PDE3B: variants seen among roughly 807,000 people sequenced by gnomAD.
PDE3B encodes phosphodiesterase 3B.
PDE3B carries 66 observed loss-of-function variants against 116.8 expected under a neutral mutation model. The observed-to-expected ratio is 0.56, with a 90% confidence interval of 0.46 to 0.69. The LOEUF (loss-of-function observed/expected upper bound fraction) is 0.69. Ranked by LOEUF, PDE3B falls within the 30% of genes least tolerant of loss-of-function variation. PDE3B has a pLI of 0.00. For synonymous variants in PDE3B, 595 were observed against 533.6 expected (o/e 1.12, Z -1.59); for missense variants, 1,384 against 1,368.1 (o/e 1.01, Z -0.18).
chr11:14,667,865 A>G (rs1458404590), intron 1 of PDE3B, among the ~76,000 whole-genome samples: 1 of 151,272 alleles, frequency 6.6e-6, no homozygotes, highest in Non-Finnish European at 1.5e-5. Flanking sequence ...ATAATAAAAG[A>G]ATTTTTGTCT....
At chr11:14,897,106 T>G in the PDE3B span, among the ~76,000 whole-genome samples, 1 of 152,246 alleles carries the variant, frequency 6.6e-6, no homozygotes, top group Admixed American at 6.5e-5. Flanking sequence ...ACACATTAAT[T>G]CATGTTCTCA....
the PDE3B span, among the ~76,000 whole-genome samples, chr11:14,885,146 T>G: frequency 6.6e-6 from 1 of 152,218 alleles, no homozygotes; most frequent in Non-Finnish European, 1.5e-5. Flanking sequence ...GGACACAACT[T>G]TAGTAAAAAT....
At chr11:14,739,158 A>G (rs1189861234) in intron 1 of PDE3B, among the ~76,000 whole-genome samples, 1 of 152,184 alleles carries the variant, frequency 6.6e-6, no homozygotes, top group Non-Finnish European at 1.5e-5. Flanking sequence ...TGGTAGCTTG[A>G]TGGGGATAGC....
intron 1 of PDE3B, among the ~76,000 whole-genome samples, chr11:14,695,311 A>G (rs1164414857): frequency 1.3e-5 from 2 of 152,144 alleles, no homozygotes; most frequent in East Asian, 1.9e-4. Context: ...GTAGTGTTCC[A>G]TAGTTTGAAT....
At chr11:14,887,833 C>A in the PDE3B span, 1 of 154,720 alleles carries the variant, frequency 6.5e-6, no homozygotes, top group South Asian at 2.0e-4. Context: ...TTTCTACCTT[C>A]AGAATATAAA....
chr11:14,883,552 T>TA, the PDE3B span, among the ~76,000 whole-genome samples: 1 of 151,660 alleles, frequency 6.6e-6, no homozygotes, highest in African/African-American at 2.4e-5. Context: ...ATTAAAGACT[T>TA]AAACGTTAGA....
At chr11:14,831,489 G>C (rs1402118077) in intron 8 of PDE3B, 151 bp from the exon 9 acceptor site, 1 of 380,356 alleles carries the variant, frequency 2.6e-6, no homozygotes, top group African/African-American at 2.1e-5. Context: ...AGAGAAATTA[G>C]AAGGGCAGAT....
chr11:14,853,142 G>A (rs374385117), intron 12 of PDE3B, among the ~76,000 whole-genome samples: 37 of 151,110 alleles, frequency 2.4e-4, no homozygotes, highest in East Asian at 2.0e-3. Context: ...TTAGATATCC[G>A]TATACGCATT....
chr11:14,732,012 T>A (rs1856472192), intron 1 of PDE3B, among the ~76,000 whole-genome samples: 1 of 152,038 alleles, frequency 6.6e-6, no homozygotes, highest in Admixed American at 6.6e-5. Context: ...TTAAACAGAA[T>A]TATTGAGGAA....
chr11:14,897,213 A>G, the PDE3B span, among the ~76,000 whole-genome samples: 1 of 152,248 alleles, frequency 6.6e-6, no homozygotes, highest in Non-Finnish European at 1.5e-5. Context: ...AGATTTGGCT[A>G]CATTTCAAAA....
intron 1 of PDE3B, among the ~76,000 whole-genome samples, chr11:14,670,444 A>T (rs1003873118): frequency 6.6e-6 from 1 of 152,136 alleles, no homozygotes; most frequent in Non-Finnish European, 1.5e-5. Flanking sequence ...TGAAATAGGG[A>T]TTAAACTTGT....
intron 1 of PDE3B, among the ~76,000 whole-genome samples, chr11:14,753,381 A>G (rs1385683963): frequency 2.6e-5 from 4 of 152,158 alleles, no homozygotes; most frequent in African/African-American, 9.6e-5. Context: ...AATGCCCTAA[A>G]TGATGGATAT....
chr11:14,747,494 A>G (rs539007756), intron 1 of PDE3B, among the ~76,000 whole-genome samples: 44 of 152,364 alleles, frequency 2.9e-4, no homozygotes, highest in African/African-American at 1.0e-3. Context: ...TTTCTCCCAT[A>G]GAGAAGACAG....
chr11:14,666,689 A>G (rs1466478628), intron 1 of PDE3B, among the ~76,000 whole-genome samples: 5 of 151,246 alleles, frequency 3.3e-5, no homozygotes, highest in African/African-American at 4.8e-5. Context: ...AAAAATGCTC[A>G]TCATCACTGG....
chr11:14,734,607 A>C lies in PDE3B; in HGVS notation c.979-37330A>C, dbSNP rs147049458. Reference sequence around the variant, plus strand: ...TTCTTATATTAATAATATGAAGTATATTAATTGAATGCTCAATATTGAATT... The same window carrying C: ...TTCTTATATTAATAATATGAAGTATCTTAATTGAATGCTCAATATTGAATT... On this transcript the variant is annotated intron_variant, in intron 1 of 15. Transcript: ENST00000282096. Among the ~76,000 whole-genome samples, 1,427 of 152,316 alleles carry C rather than the reference A, an allele frequency of 9.4e-3. 14 individuals carry two copies. Among genetic ancestry groups the C allele is most frequent in the Middle Eastern group, 0.017 (5 of 294 alleles).
intron 1 of PDE3B, among the ~76,000 whole-genome samples, chr11:14,759,170 C>G (rs1283234351): frequency 6.6e-6 from 1 of 152,090 alleles, no homozygotes; most frequent in Admixed American, 6.6e-5. Flanking sequence ...TTCGTTTTTT[C>G]CAGTATTTTA....
At chr11:14,781,999 G>A (rs1258313905) in intron 2 of PDE3B, among the ~76,000 whole-genome samples, 2 of 152,122 alleles carry the variant, frequency 1.3e-5, no homozygotes, top group Non-Finnish European at 2.9e-5. Context: ...GAAATCACAA[G>A]CATTCTTATA....
chr11:14,850,166 G>T (rs1308513852), intron 12 of PDE3B, among the ~76,000 whole-genome samples: 14 of 151,844 alleles, frequency 9.2e-5, no homozygotes, highest in African/African-American at 2.2e-4. Flanking sequence ...CCATAAAAAA[G>T]GATGAGTTCA....
intron 1 of PDE3B, among the ~76,000 whole-genome samples, chr11:14,693,179 GA>G (rs1362500731): frequency 2.0e-4 from 31 of 152,330 alleles, no homozygotes; most frequent in Admixed American, 5.9e-4. Context: ...AGCTGCAGGA[GA>G]AAAGTTTGAA....
Sources: gnomAD v4.1 joint callset for allele counts (sites outside exome capture counted in the v4.1 genomes callset) on GRCh38, gnomAD v4.1.1 for gene constraint, MANE v1.5 for transcripts, NCBI Gene and HGNC (gene_info 2026-07-23, HGNC 2026-07-21) for gene names.